COL5A2: variants seen among roughly 807,000 people sequenced by gnomAD.
The protein encoded by COL5A2 is collagen type V alpha 2 chain.
COL5A2 carries 23 observed loss-of-function variants against 208.2 expected under a neutral mutation model. The observed-to-expected ratio is 0.11, with a 90% CI of 0.08 to 0.16. COL5A2 has a LOEUF of 0.16. Ranked by LOEUF, COL5A2 falls within the 10% of genes least tolerant of loss-of-function variation. The probability of loss-of-function intolerance (pLI) is 1.00; values close to 1 mark genes in which losing one functional copy is unlikely to be tolerated. For missense variants in COL5A2, 1,590 were observed against 1,956.4 expected, an observed-to-expected ratio of 0.81 and a Z score of 3.53; for synonymous variants, 625 against 628.5, an observed-to-expected ratio of 0.99 and a Z score of 0.08.
At chr2:189,322,395 T>G in the COL5A2 span, among the ~76,000 whole-genome samples, 1 of 152,268 alleles carries the variant, frequency 6.6e-6, no homozygotes, top group African/African-American at 2.4e-5. Context: ...AGGAGCTGAC[T>G]TTTTGAAAAA....
intron 7 of COL5A2, among the ~76,000 whole-genome samples, chr2:189,089,492 G>GT (rs1323215186): frequency 6.6e-6 from 1 of 152,168 alleles, no homozygotes; most frequent in African/African-American, 2.4e-5. Flanking sequence ...AGAAAAATGT[G>GT]TATGAACTTT....
chr2:189,063,232 G>T lies in COL5A2; in HGVS notation c.1809C>A (p.Gly603=). 3 of 1,614,132 alleles carry T rather than the reference G, an allele frequency of 1.9e-6. No homozygotes were observed. The highest frequency in any genetic ancestry group is 2.5e-6 in the Non-Finnish European group (3 of 1,180,042). Residue 603 remains glycine, a synonymous_variant, in exon 27 of 54, where the codon GGC becomes GGA. Transcript: ENST00000374866. ...CGGGCTGCCCTCTGATTCCTATGGAGCCTGGAGGACCTGGACGGCCATCTT... is the reference window on the plus strand; with the variant it reads ...CGGGCTGCCCTCTGATTCCTATGGATCCTGGAGGACCTGGACGGCCATCTT... ...PGEDGRPGPP[G]SIGIRGQPGS... is the part of the protein sequence containing the mutation.
At chr2:189,186,702 A>G (rs1445251524) in intron 1 of COL5A2, among the ~76,000 whole-genome samples, 2 of 152,218 alleles carry the variant, frequency 1.3e-5, no homozygotes, top group Non-Finnish European at 2.9e-5. Flanking sequence ...TGCTTTTTAA[A>G]AAAATTACAA....
chr2:189,239,931 A>G, the COL5A2 span, among the ~76,000 whole-genome samples: 1 of 152,096 alleles, frequency 6.6e-6, no homozygotes, highest in Non-Finnish European at 1.5e-5. Flanking sequence ...GCCAGATAAG[A>G]CACATTTCAG....
chr2:189,167,457 G>T (rs1230252758), intron 1 of COL5A2, among the ~76,000 whole-genome samples: 1 of 152,022 alleles, frequency 6.6e-6, no homozygotes, highest in Non-Finnish European at 1.5e-5. Flanking sequence ...AAACAAAAAT[G>T]ATTCTAAGTA....
intron 42 of COL5A2, 99 bp from the exon 43 acceptor site, chr2:189,050,775 A>G: frequency 9.9e-7 from 1 of 1,006,730 alleles, no homozygotes. Flanking sequence ...GTTTTTCAGT[A>G]TGAAAAAGAA....
At chr2:189,135,940 A>G (rs562610131) in intron 1 of COL5A2, among the ~76,000 whole-genome samples, 1 of 152,284 alleles carries the variant, frequency 6.6e-6, no homozygotes, top group South Asian at 2.1e-4. Context: ...GAAACAAGAG[A>G]GTGTTATTGC....
intron 1 of COL5A2, among the ~76,000 whole-genome samples, chr2:189,136,576 G>A (rs1432852457): frequency 6.6e-6 from 1 of 150,724 alleles, no homozygotes; most frequent in Admixed American, 6.6e-5. Flanking sequence ...GTGTTTGTAT[G>A]TTTACACAGA....
chr2:189,141,790 T>C (rs1334527001), intron 1 of COL5A2, among the ~76,000 whole-genome samples: 1 of 152,200 alleles, frequency 6.6e-6, no homozygotes, highest in Admixed American at 6.5e-5. Context: ...TCAAGGAGTT[T>C]ATAGAGTTTA....
At chr2:189,244,196 C>A in the COL5A2 span, among the ~76,000 whole-genome samples, 1 of 152,240 alleles carries the variant, frequency 6.6e-6, no homozygotes, top group Non-Finnish European at 1.5e-5. Flanking sequence ...ATGCAAATTT[C>A]TGCAGCTGGC....
At chr2:189,039,151 T>G in intron 51 of COL5A2, 121 bp downstream of exon 51, 1 of 1,237,608 alleles carries the variant, frequency 8.1e-7, no homozygotes, top group Non-Finnish European at 1.2e-6. Flanking sequence ...CCATGATATG[T>G]TTACTATTTT....
At chr2:189,368,247 G>A in the COL5A2 span, among the ~76,000 whole-genome samples, 1 of 152,084 alleles carries the variant, frequency 6.6e-6, no homozygotes, top group Non-Finnish European at 1.5e-5. Context: ...TTGCAGTCTA[G>A]AAACATACCT....
At position 189,068,863 on chromosome 2, in the gene COL5A2, C is replaced by A; in HGVS notation, c.1180G>T (p.Ala394Ser). The change falls in exon 19 of 54, where the codon GCG becomes TCG. Residue 394 changes from alanine to serine, a missense_variant. Physicochemically the swap from Ala to Ser is moderately conservative, Grantham distance 99 (BLOSUM62 1). Coordinates refer to ENST00000374866, the MANE Select transcript of COL5A2 (RefSeq NM_000393.5). ...CCCTGAGGACCTTCAGGGCCTCGCG[C>A]CCCTGTAGGACCTGCTTCTCCCTAA... ...GMKGEAGPTG[A>S]RGPEGPQGQR... is the part of the protein sequence containing the mutation. 3 of 1,612,726 alleles carry A rather than the reference C, an allele frequency of 1.9e-6. No homozygotes were observed. The highest frequency in any genetic ancestry group is 1.1e-5 in the South Asian group (1 of 91,038).
the COL5A2 span, among the ~76,000 whole-genome samples, chr2:189,388,057 T>G: frequency 1.3e-5 from 2 of 152,182 alleles, no homozygotes; most frequent in Admixed American, 6.6e-5. Context: ...AATGCTAGAA[T>G]TACAGGCATA....
the COL5A2 span, among the ~76,000 whole-genome samples, chr2:189,312,147 T>G: frequency 6.6e-6 from 1 of 152,308 alleles, no homozygotes; most frequent in African/African-American, 2.4e-5. Context: ...CTCGATGGTC[T>G]TGAAGTAATG....
chr2:189,265,985 G>A, the COL5A2 span, among the ~76,000 whole-genome samples: 6 of 152,102 alleles, frequency 3.9e-5, no homozygotes, highest in South Asian at 1.0e-3. Flanking sequence ...GAAAACATAC[G>A]TTTACACAAA....
chr2:189,411,466 T>C, the COL5A2 span, among the ~76,000 whole-genome samples: 4 of 152,206 alleles, frequency 2.6e-5, no homozygotes, highest in African/African-American at 9.6e-5. Flanking sequence ...TAGGTGTTCA[T>C]TCTAATAACT....
chr2:189,180,675 G>T (rs71434651), upstream of COL5A2, among the ~76,000 whole-genome samples: 2,505 of 152,310 alleles, frequency 0.016, 32 homozygotes, highest in Non-Finnish European at 0.026. Flanking sequence ...AATGAGTAAT[G>T]TATTATTAAT....
intron 7 of COL5A2, among the ~76,000 whole-genome samples, chr2:189,088,979 G>A (rs1279661873): frequency 6.6e-6 from 1 of 152,138 alleles, no homozygotes; most frequent in Non-Finnish European, 1.5e-5. Context: ...CCAGAGTATT[G>A]TATAAGTATG....
Sources: allele counts gnomAD v4.1 joint callset (sites outside exome capture counted in the v4.1 genomes callset), GRCh38; gene constraint gnomAD v4.1.1; transcripts MANE v1.5; gene names NCBI Gene and HGNC (gene_info 2026-07-23, HGNC 2026-07-21).